Variants in PTGDR2 observed in about 807,000 individuals in gnomAD.
The protein encoded by PTGDR2 is prostaglandin D2 receptor 2.
For synonymous variants in PTGDR2, 276 were observed against 278.4 expected (o/e 0.99, Z 0.09); for missense variants, 544 against 576.6 (o/e 0.94, Z 0.58).
chr11:60,855,777 G>T (rs1157230130), intron 1 of PTGDR2, 92 bp downstream of exon 1: 1 of 152,320 alleles, frequency 6.6e-6, no homozygotes, highest in Non-Finnish European at 1.5e-5. Context: ...ATCCTAGCTG[G>T]TAACAGCCCT....
Position 60,852,612 on chromosome 11 carries a change from C to G in PTGDR2, c.1111G>C (p.Gly371Arg), listed in dbSNP as rs754566001. 8.0e-5 allele frequency: 105 copies of G among 1,312,672 alleles called. No individual in the cohort carries two copies. The highest frequency in any genetic ancestry group is 4.5e-5 in the Non-Finnish European group (46 of 1,030,186). The allele number at this position is 1,312,672 out of a possible 1,614,324, so 81.3% of individuals were successfully genotyped here. A position where few individuals can be genotyped will look rare whatever the true frequency, so the allele number is the denominator to read the frequency against. ...EEPRGPARLL[G>R]WLLGSCAASP... Reference sequence around the variant, plus strand: ...GCTGCGCAGCTGCCCAGCAGCCAGCCGAGGAGACGCGCGGGGCCCCGCGGT... The same window carrying G: ...GCTGCGCAGCTGCCCAGCAGCCAGCGGAGGAGACGCGCGGGGCCCCGCGGT... The change falls in exon 2 of 2, where the codon GGC becomes CGC. Residue 371 changes from glycine to arginine, a missense_variant. Gly to Arg is a moderately radical substitution (Grantham distance 125, BLOSUM62 -2). Coordinates refer to ENST00000332539, the MANE Select transcript of PTGDR2 (RefSeq NM_004778.3).
rs1208337071 is a variant in PTGDR2 at position 60,853,429 on chromosome 11, C to A, written c.294G>T (p.Glu98Asp). Residue 98 changes from glutamate (E) to aspartate (D), a missense_variant, in exon 2 of 2, where the codon GAG becomes GAT. Glu to Asp is a conservative substitution (Grantham distance 45). Transcript: ENST00000332539. Reference sequence around the variant, plus strand: ...GCAGTTTGCAGAAGGTGGTGCCCAGCTCCCACGAGTGGCCCACGGCCAAGA... The same window carrying A: ...GCAGTTTGCAGAAGGTGGTGCCCAGATCCCACGAGTGGCCCACGGCCAAGA... ...TYFLAVGHSW[E>D]LGTTFCKLHS... 1.3e-6 allele frequency: 2 copies of A among 1,576,752 alleles called. No homozygotes were observed. The highest frequency in any genetic ancestry group is 2.3e-5 in the East Asian group (1 of 42,866).
chr11:60,853,622 G>T lies in PTGDR2; in HGVS notation c.101C>A (p.Ala34Glu). The change falls in exon 2 of 2, where the codon GCG (alanine) becomes GAG (glutamate). Residue 34 changes from alanine (A) to glutamate (E), a missense_variant. Physicochemically the swap from Ala to Glu is moderately radical, Grantham distance 107 (BLOSUM62 -1). Transcript: ENST00000332539. ...SNTSIRYIDH[A>E]AVLLHGLASL... ...GGCCAGCCCGTGCAGCAGCACGGCC[G>T]CGTGGTCGATGTAGCGGATGCTGGT... 1.9e-6 allele frequency: 3 copies of T among 1,556,954 alleles called. No homozygotes were observed. Among genetic ancestry groups the T allele is most frequent in the Non-Finnish European group, 2.6e-6 (3 of 1,149,906 alleles).
Position 60,852,674 on chromosome 11 carries a change from G to T in PTGDR2, c.1049C>A (p.Ser350Ter). ...RRRRTSSTAR[S>*]ASPLALCSRP... ...GCTGCAGAGAGCTAAAGGGGAGGCCGAGCGGGCGGTGGAGGAGGTGCGGCG... is the reference window on the plus strand; with the variant it reads ...GCTGCAGAGAGCTAAAGGGGAGGCCTAGCGGGCGGTGGAGGAGGTGCGGCG... The change falls in exon 2 of 2, where the codon TCG becomes TAG. Residue 350 changes from serine to a stop codon, truncating the protein, a stop_gained. Transcript: ENST00000332539. LOFTEE classifies it low-confidence loss of function (END_TRUNC). 7.1e-7 allele frequency: 1 copy of T among 1,401,776 alleles called. No individual in the cohort carries two copies. Among genetic ancestry groups the T allele is most frequent in the East Asian group, 3.0e-5 (1 of 33,252 alleles). The allele number at this position is 1,401,776 out of a possible 1,614,324, so 86.8% of individuals were successfully genotyped here. A position where few individuals can be genotyped will look rare whatever the true frequency, so the allele number is the denominator to read the frequency against.
intron 1 of PTGDR2, 110 bp from the exon 2 acceptor site, chr11:60,853,841 A>G (rs1855320448): frequency 2.4e-6 from 2 of 822,962 alleles, no homozygotes; most frequent in Non-Finnish European, 3.7e-6. Flanking sequence ...GTGACCCACG[A>G]ATATATTGGG....
Position 60,852,378 on chromosome 11 carries a change from A to T in PTGDR2, c.*157T>A. The T allele has an allele frequency of 1.9e-6, 1 of 539,044 alleles. No homozygotes were observed. Among genetic ancestry groups the T allele is most frequent in the Non-Finnish European group, 2.8e-6 (1 of 355,876 alleles). The allele number at this position is 539,044 out of a possible 1,614,324, so 33.4% of individuals were successfully genotyped here. A position where few individuals can be genotyped will look rare whatever the true frequency, so the allele number is the denominator to read the frequency against. On this transcript the variant is annotated 3_prime_UTR_variant, in exon 2 of 2. Coordinates refer to ENST00000332539, the MANE Select transcript of PTGDR2 (RefSeq NM_004778.3). ...GCACTGCTTTAACTCACTGTTTCTG[A>T]AAAAGATTCAGAGTCTCCCGGGGCG... is the stretch of plus-strand genomic sequence containing the variant.
intron 1 of PTGDR2, among the ~76,000 whole-genome samples, chr11:60,855,142 C>T (rs1250697730): frequency 6.6e-6 from 1 of 152,162 alleles, no homozygotes; most frequent in East Asian, 1.9e-4. Flanking sequence ...TGAGAATGGT[C>T]ATACTTCCTA....
chr11:60,855,027 C>T (rs4939468), intron 1 of PTGDR2, among the ~76,000 whole-genome samples: 13,054 of 152,196 alleles, frequency 0.086, 567 homozygotes, highest in South Asian at 0.15. Flanking sequence ...AGACCACAGT[C>T]CTTTGTAGAG....
rs929440058 is a variant in PTGDR2 at position 60,852,236 on chromosome 11, C to T, written c.*299G>A. ...CTCGCCTGTGAACCTGCCGCACTGG[C>T]TTCTCGGCCTGGGAGCTTGTTAAGT... On this transcript the variant is annotated 3_prime_UTR_variant, in exon 2 of 2. Transcript: ENST00000332539. 5.2e-5 allele frequency: 18 copies of T among 346,100 alleles called. No homozygotes were observed. The highest frequency in any genetic ancestry group is 3.2e-4 in the African/African-American group (15 of 47,508). 21.4% of individuals were successfully genotyped at this position (346,100 alleles called of 1,614,324 possible).
In PTGDR2 at chr11:60,852,700, G is replaced by A. The variant is rs1441098456; in HGVS notation, c.1023C>T (p.Arg341=). 1.4e-6 allele frequency: 2 copies of A among 1,440,670 alleles called. No individual in the cohort carries two copies. The highest frequency in any genetic ancestry group is 1.4e-5 in the South Asian group (1 of 70,808). 89.2% of individuals were successfully genotyped at this position (1,440,670 alleles called of 1,614,324 possible). Residue 341 remains arginine, a synonymous_variant, in exon 2 of 2, where the codon CGC becomes CGT. Transcript: ENST00000332539. Reference sequence around the variant, plus strand: ...AGCGGGCGGTGGAGGAGGTGCGGCGGCGGCGGCTGCTTCCCGCGCCACCCA... The same window carrying A: ...AGCGGGCGGTGGAGGAGGTGCGGCGACGGCGGCTGCTTCCCGCGCCACCCA... ...SELGGAGSSR[R]RRTSSTARSA...
intron 1 of PTGDR2, 131 bp from the exon 2 acceptor site, chr11:60,853,862 G>T (rs1428121003): frequency 2.9e-6 from 2 of 700,674 alleles, no homozygotes; most frequent in East Asian, 5.5e-5. Flanking sequence ...CGGTGGGGGT[G>T]GGGGGAATAA....
chr11:60,852,918 C>A lies in PTGDR2; in HGVS notation c.805G>T (p.Glu269Ter). ...CCCGGGTTTGCGTGCGCCCGCGCCT[C>A]CAGCAGGCTGAACACGTGGTAGGGC... ...WGPYHVFSLL[E>*]ARAHANPGLR... The change falls in exon 2 of 2, where the codon GAG becomes TAG. Residue 269 changes from glutamate (E) to a stop codon, truncating the protein, a stop_gained. Coordinates refer to ENST00000332539, the MANE Select transcript of PTGDR2 (RefSeq NM_004778.3). LOFTEE classifies it low-confidence loss of function (END_TRUNC). The A allele has an allele frequency of 6.6e-7, 1 of 1,508,822 alleles. No individual in the cohort carries two copies. The highest frequency in any genetic ancestry group is 8.9e-7 in the Non-Finnish European group (1 of 1,125,442). 93.5% of individuals were successfully genotyped at this position (1,508,822 alleles called of 1,614,324 possible). A position where few individuals can be genotyped will look rare whatever the true frequency, so the allele number is the denominator to read the frequency against.
chr11:60,852,257 T>C lies in PTGDR2; in HGVS notation c.*278A>G, dbSNP rs1415012976. On this transcript the variant is annotated 3_prime_UTR_variant, in exon 2 of 2. Coordinates refer to ENST00000332539, the MANE Select transcript of PTGDR2 (RefSeq NM_004778.3). ...CTGGCTTCTCGGCCTGGGAGCTTGT[T>C]AAGTGCAGACTCTCAGTACCCGGCC... is the stretch of plus-strand genomic sequence containing the variant. The C allele has an allele frequency of 2.7e-6, 1 of 368,134 alleles. No individual in the cohort carries two copies. The highest frequency in any genetic ancestry group is 2.1e-5 in the African/African-American group (1 of 47,866). The allele number at this position is 368,134 out of a possible 1,614,324, so 22.8% of individuals were successfully genotyped here. A position where few individuals can be genotyped will look rare whatever the true frequency, so the allele number is the denominator to read the frequency against.
At position 60,852,683 on chromosome 11, in the gene PTGDR2, G is replaced by C; in HGVS notation, c.1040C>G (p.Thr347Ser). 3 of 1,423,506 alleles carry C rather than the reference G, an allele frequency of 2.1e-6. No homozygotes were observed. The highest frequency in any genetic ancestry group is 1.5e-5 in the South Asian group (1 of 66,818). 88.2% of individuals were successfully genotyped at this position (1,423,506 alleles called of 1,614,324 possible). Residue 347 changes from threonine to serine, a missense_variant, in exon 2 of 2, where the codon ACC becomes AGC. Thr to Ser is a moderately conservative substitution (Grantham distance 58). Transcript: ENST00000332539. Reference sequence around the variant, plus strand: ...AGCTAAAGGGGAGGCCGAGCGGGCGGTGGAGGAGGTGCGGCGGCGGCGGCT... The same window carrying C: ...AGCTAAAGGGGAGGCCGAGCGGGCGCTGGAGGAGGTGCGGCGGCGGCGGCT... ...GSSRRRRTSS[T>S]ARSASPLALC... is the part of the protein sequence containing the mutation.
intron 1 of PTGDR2, among the ~76,000 whole-genome samples, chr11:60,855,103 A>G (rs552918029): frequency 6.6e-5 from 10 of 152,360 alleles, no homozygotes; most frequent in African/African-American, 1.4e-4. Context: ...AGAGACCTGC[A>G]GGTAGATGGA....
At chr11:60,855,376 C>T (rs1381737017) in intron 1 of PTGDR2, among the ~76,000 whole-genome samples, 1 of 151,972 alleles carries the variant, frequency 6.6e-6, no homozygotes, top group Non-Finnish European at 1.5e-5. Context: ...AGAGCACAGT[C>T]CTGCCACACC....
chr11:60,853,387 A>C lies in PTGDR2; in HGVS notation c.336T>G (p.Phe112Leu). 1.9e-6 allele frequency: 3 copies of C among 1,593,052 alleles called. No homozygotes were observed. The highest frequency in any genetic ancestry group is 2.6e-6 in the Non-Finnish European group (3 of 1,169,890). Residue 112 changes from phenylalanine (F) to leucine (L), a missense_variant, in exon 2 of 2, where the codon TTT (phenylalanine) becomes TTG (leucine). Physicochemically the swap from Phe to Leu is conservative, Grantham distance 22. Transcript: ENST00000332539. ...TFCKLHSSIF[F>L]LNMFASGFLL... is the part of the protein sequence containing the mutation. ...GGAAGCCGCTGGCGAACATGTTGAG[A>C]AAGAAGATGGAGGAGTGCAGTTTGC... is the stretch of plus-strand genomic sequence containing the variant.
rs746672454 is a variant in PTGDR2 at position 60,853,125 on chromosome 11, T to G, written c.598A>C (p.Asn200His). The part of the protein sequence containing the change: ...NPGPDRDATC[N>H]SRQVALAVSK... ...ACGGCCAGGGCCACCTGCCGCGAGT[T>G]GCACGTGGCATCGCGGTCAGGCCCC... Residue 200 changes from asparagine to histidine, a missense_variant, in exon 2 of 2, where the codon AAC (asparagine) becomes CAC (histidine). Coordinates refer to ENST00000332539, the MANE Select transcript of PTGDR2 (RefSeq NM_004778.3). 3.9e-5 allele frequency: 63 copies of G among 1,606,586 alleles called. No homozygotes were observed. Among genetic ancestry groups the G allele is most frequent in the Non-Finnish European group, 5.2e-5 (61 of 1,179,594 alleles).
rs1290145964 is a variant in PTGDR2, at chr11:60,852,252, CTTG to C, written c.*280_*282del. The C allele has an allele frequency of 5.5e-6, 2 of 363,824 alleles. No homozygotes were observed. 22.5% of individuals were successfully genotyped at this position (363,824 alleles called of 1,614,324 possible). ...CCGCACTGGCTTCTCGGCCTGGGAG[CTTG>C]TTAAGTGCAGACTCTCAGTACCCGG... On this transcript the variant is annotated 3_prime_UTR_variant, in exon 2 of 2. Transcript: ENST00000332539.
Sources: allele counts gnomAD v4.1 joint callset (sites outside exome capture counted in the v4.1 genomes callset), GRCh38; gene constraint gnomAD v4.1.1; transcripts MANE v1.5; gene names NCBI Gene and HGNC (gene_info 2026-07-23, HGNC 2026-07-21).